Variants in KCNH5 observed in about 807,000 individuals in gnomAD.
KCNH5 encodes the protein voltage-gated delayed rectifier potassium channel KCNH5.
A neutral mutation model predicts 96.1 loss-of-function variants in KCNH5; 46 were observed. The ratio of observed to expected loss-of-function variants is 0.48; its 90% CI spans 0.38 to 0.61. The LOEUF is 0.61. Ranked by LOEUF, KCNH5 falls within the 20% of genes least tolerant of loss-of-function variation. The pLI is 0.00. For missense variants in KCNH5, 907 were observed against 1,225.8 expected (o/e 0.74, Z 3.88); for synonymous variants, 439 against 449.8 (o/e 0.98, Z 0.30).
intron 7 of KCNH5, among the ~76,000 whole-genome samples, chr14:62,941,007 GGA>G (rs1360937815): frequency 6.6e-6 from 1 of 152,152 alleles, no homozygotes; most frequent in African/African-American, 2.4e-5. Flanking sequence ...AGATGGGGAT[GGA>G]GAGAGTAAGG....
intron 7 of KCNH5, among the ~76,000 whole-genome samples, chr14:62,946,864 A>C (rs1194669266): frequency 6.6e-6 from 1 of 152,174 alleles, no homozygotes; most frequent in African/African-American, 2.4e-5. Flanking sequence ...AACATACTCA[A>C]AATCACAAAA....
In KCNH5 at chr14:62,706,716, AGT is replaced by A. The variant is rs1413182169; in HGVS notation, c.*790_*791del. 6.6e-6 allele frequency: 1 copy of A among 152,148 alleles called. No homozygotes were observed. The highest frequency in any genetic ancestry group is 1.9e-4 in the East Asian group (1 of 5,194). The allele number at this position is 152,148 out of a possible 1,614,324, so 9.4% of individuals were successfully genotyped here. A position where few individuals can be genotyped will look rare whatever the true frequency, so the allele number is the denominator to read the frequency against. On this transcript the variant is annotated 3_prime_UTR_variant, in exon 11 of 11. Transcript: ENST00000322893. ...AAAAGGCCCTTATACCCTGTGGTGC[AGT>A]GTTTCTATAATAACATACTCTATAT...
intron 7 of KCNH5, among the ~76,000 whole-genome samples, chr14:62,850,539 C>T (rs752618472): frequency 3.8e-4 from 58 of 152,032 alleles, no homozygotes; most frequent in Non-Finnish European, 6.5e-4. Flanking sequence ...TAAAGTTAGC[C>T]CACTGACAAT....
chr14:62,823,861 C>T (rs143237025), intron 8 of KCNH5, among the ~76,000 whole-genome samples: 4 of 152,028 alleles, frequency 2.6e-5, no homozygotes, highest in Middle Eastern at 3.4e-3. Flanking sequence ...TTTCTTCAAT[C>T]GTCCCCTAAA....
intron 4 of KCNH5, among the ~76,000 whole-genome samples, chr14:62,994,166 T>C: frequency 8.9e-6 from 1 of 112,370 alleles, no homozygotes; most frequent in Non-Finnish European, 1.7e-5. Flanking sequence ...GAGACTACAT[T>C]ACATAGTATA....
chr14:62,799,722 T>C lies in KCNH5; in HGVS notation c.1822+2607A>G, dbSNP rs1228319055. Among the ~76,000 whole-genome samples the C allele has an allele frequency of 9.1e-3, 1,001 of 109,742 alleles. 23 individuals are homozygous for C. Among genetic ancestry groups the C allele is most frequent in the African/African-American group, 0.033 (940 of 28,438 alleles). The allele number at this position is 109,742 out of a possible 152,430, so 72.0% of individuals were successfully genotyped here. A position where few individuals can be genotyped will look rare whatever the true frequency, so the allele number is the denominator to read the frequency against. On this transcript the variant is annotated intron_variant, in intron 9 of 10. Coordinates refer to ENST00000322893, the MANE Select transcript of KCNH5 (RefSeq NM_139318.5). ...ATATATATATATATATATATATATA[T>C]ATATACACACACACACACACACATA...
At chr14:62,981,314 T>C (rs1263529046) in intron 5 of KCNH5, 50 bp from the exon 6 acceptor site, 1 of 1,551,412 alleles carries the variant, frequency 6.4e-7, no homozygotes, top group Non-Finnish European at 8.8e-7. Flanking sequence ...CTCTGCACAG[T>C]CAGTGATGAA....
chr14:62,981,322 G>C (rs1199920789), intron 5 of KCNH5, 58 bp from the exon 6 acceptor site: 1 of 1,518,852 alleles, frequency 6.6e-7, no homozygotes. Context: ...AGTCAGTGAT[G>C]AATTCAAATC....
intron 7 of KCNH5, among the ~76,000 whole-genome samples, chr14:62,885,370 T>C (rs1888576163): frequency 6.6e-6 from 1 of 152,214 alleles, no homozygotes; most frequent in East Asian, 1.9e-4. Flanking sequence ...ATAACTAAGA[T>C]GATCAGTTTT....
chr14:62,938,272 C>A lies in KCNH5; in HGVS notation c.1369+11861G>T, dbSNP rs75892155. On this transcript the variant is annotated intron_variant, in intron 7 of 10. Transcript: ENST00000322893. ...AAGCCTCCAGTATTTCCTGAGAGTC[C>A]ACTTAAATATAGTTCTCACCCCATA... Among the ~76,000 whole-genome samples, 436 of 152,242 alleles carry A rather than the reference C, an allele frequency of 2.9e-3. 9 individuals carry two copies. Among genetic ancestry groups the A allele is most frequent in the African/African-American group, 9.8e-3 (406 of 41,538 alleles).
chr14:63,034,429 A>G (rs186251497), intron 1 of KCNH5, among the ~76,000 whole-genome samples: 31 of 152,326 alleles, frequency 2.0e-4, no homozygotes, highest in African/African-American at 7.5e-4. Flanking sequence ...TTCTATGTCA[A>G]TGACAGAATG....
chr14:62,965,831 G>A (rs1890295099), intron 6 of KCNH5, among the ~76,000 whole-genome samples: 1 of 152,084 alleles, frequency 6.6e-6, no homozygotes. Flanking sequence ...GCCATCATAG[G>A]TAAGATGTCA....
chr14:62,924,292 T>C (rs1889432422), intron 7 of KCNH5, among the ~76,000 whole-genome samples: 1 of 151,962 alleles, frequency 6.6e-6, no homozygotes, highest in Admixed American at 6.6e-5. Flanking sequence ...CATGATAGGA[T>C]GCCTATTATC....
intron 10 of KCNH5, among the ~76,000 whole-genome samples, chr14:62,719,208 G>T (rs2139911361): frequency 6.6e-6 from 1 of 152,296 alleles, no homozygotes; most frequent in African/African-American, 2.4e-5. Context: ...TATGGAATGG[G>T]AACTATACTT....
At chr14:62,782,541 A>G (rs1305087083) in intron 9 of KCNH5, among the ~76,000 whole-genome samples, 1 of 152,220 alleles carries the variant, frequency 6.6e-6, no homozygotes, top group Non-Finnish European at 1.5e-5. Flanking sequence ...GAAAGCCTCT[A>G]GGGTTATACA....
rs537607484 is a variant in KCNH5, at chr14:62,789,236, C to T, written c.1823-9312G>A. On this transcript the variant is annotated intron_variant, in intron 9 of 10. Transcript: ENST00000322893. ...TAGCATAATGTCTTTAAGGTTCATC[C>T]ATGCTGTGGCAAATGGCAGGCTGTC... Among the ~76,000 whole-genome samples the T allele has an allele frequency of 1.1e-3, 174 of 152,132 alleles. 1 individual carries two copies. The highest frequency in any genetic ancestry group is 3.8e-3 in the African/African-American group (157 of 41,546).
chr14:62,704,814 A>G lies in KCNH5; in HGVS notation c.*2694T>C, dbSNP rs936077765. ...CTGTCTATGTGCTAGTTGAGGCAAC[A>G]TAGAACATGATTTTATCATTATTGC... On this transcript the variant is annotated 3_prime_UTR_variant, in exon 11 of 11. Transcript: ENST00000322893. 1 of 152,006 alleles carries G rather than the reference A, an allele frequency of 6.6e-6. No homozygotes were observed. The highest frequency in any genetic ancestry group is 2.4e-5 in the African/African-American group (1 of 41,454). 9.4% of individuals were successfully genotyped at this position (152,006 alleles called of 1,614,324 possible).
chr14:62,738,055 A>G (rs1225736987), intron 10 of KCNH5, among the ~76,000 whole-genome samples: 1 of 152,142 alleles, frequency 6.6e-6, no homozygotes, highest in Non-Finnish European at 1.5e-5. Context: ...ACACTCCGGC[A>G]TCACCACTCT....
intron 10 of KCNH5, among the ~76,000 whole-genome samples, chr14:62,731,510 G>A (rs1020185191): frequency 6.6e-6 from 1 of 151,748 alleles, no homozygotes; most frequent in Non-Finnish European, 1.5e-5. Context: ...CTGGAATATA[G>A]GTATATAAAC....
Sources: gnomAD v4.1 joint callset for allele counts (sites outside exome capture counted in the v4.1 genomes callset) on GRCh38, gnomAD v4.1.1 for gene constraint, MANE v1.5 for transcripts, NCBI Gene and HGNC (gene_info 2026-07-23, HGNC 2026-07-21) for gene names.